SLC35F4: variants seen among roughly 807,000 people sequenced by gnomAD.
The protein encoded by SLC35F4 is chromosome 14 open reading frame 36.
A neutral mutation model predicts 44.2 loss-of-function variants in SLC35F4; 24 were observed. The ratio of observed to expected loss-of-function variants is 0.54; its 90% CI spans 0.39 to 0.76. SLC35F4 has a LOEUF of 0.76. Ranked by LOEUF, SLC35F4 falls within the 30% of genes least tolerant of loss-of-function variation. The probability of loss-of-function intolerance (pLI) is 0.00; values close to 1 mark genes in which losing one functional copy is unlikely to be tolerated. For missense variants in SLC35F4, 562 were observed against 586.1 expected, an observed-to-expected ratio of 0.96 and a Z score of 0.42; for synonymous variants, 238 against 223.6, an observed-to-expected ratio of 1.06 and a Z score of -0.57.
At chr14:57,666,020 G>T (rs2074295751) in intron 1 of SLC35F4, among the ~76,000 whole-genome samples, 1 of 152,100 alleles carries the variant, frequency 6.6e-6, no homozygotes, top group Admixed American at 6.6e-5. Flanking sequence ...ATCACTAATA[G>T]GTACCAGGCT....
intron 1 of SLC35F4, among the ~76,000 whole-genome samples, chr14:57,876,685 C>T (rs1190870510): frequency 6.6e-6 from 1 of 152,104 alleles, no homozygotes; most frequent in Admixed American, 6.6e-5. Context: ...CATGTTTTTG[C>T]TTAATAAGTG....
chr14:57,848,625 T>C (rs2140979380), intron 1 of SLC35F4, among the ~76,000 whole-genome samples: 1 of 152,318 alleles, frequency 6.6e-6, no homozygotes, highest in East Asian at 1.9e-4. Context: ...CCACATATCA[T>C]GTGCAGGCAC....
At chr14:57,870,124 C>CTG (rs34282878), upstream of SLC35F4, among the ~76,000 whole-genome samples, 27,284 of 146,022 alleles carry the variant, frequency 0.19, 2,904 homozygotes, top group East Asian at 0.59. Flanking sequence ...TGTCTATGAT[C>CTG]TGTGTGTGTG....
chr14:57,595,826 C>G (rs1325837837), intron 1 of SLC35F4: 1 of 152,158 alleles, frequency 6.6e-6, no homozygotes, highest in Non-Finnish European at 1.5e-5. Context: ...TTTCCCTGCC[C>G]CACTCCTGAA....
chr14:57,963,914 G>A (rs900194113), intron 1 of SLC35F4, among the ~76,000 whole-genome samples: 1 of 151,634 alleles, frequency 6.6e-6, no homozygotes, highest in Admixed American at 6.6e-5. Context: ...GCAGAGATGG[G>A]GTCTCGTCAT....
intron 1 of SLC35F4, among the ~76,000 whole-genome samples, chr14:57,683,047 G>A (rs73305969): frequency 0.025 from 3,789 of 150,234 alleles, 154 homozygotes; most frequent in African/African-American, 0.087. Flanking sequence ...TCTGTTCTAC[G>A]GAAAAAAATT....
intron 1 of SLC35F4, among the ~76,000 whole-genome samples, chr14:57,619,887 G>A (rs1165491388): frequency 4.6e-5 from 7 of 151,894 alleles, no homozygotes; most frequent in Non-Finnish European, 2.9e-5. Flanking sequence ...CGAGAATTTC[G>A]TGAAGCATAT....
At chr14:57,904,247 G>A (rs958101478) in intron 1 of SLC35F4, among the ~76,000 whole-genome samples, 1 of 152,170 alleles carries the variant, frequency 6.6e-6, no homozygotes. Context: ...TTATACTAAT[G>A]TGCATTTATG....
At chr14:57,934,279 A>G (rs1344001694) in intron 1 of SLC35F4, among the ~76,000 whole-genome samples, 1 of 150,746 alleles carries the variant, frequency 6.6e-6, no homozygotes, top group African/African-American at 2.4e-5. Context: ...GGGGAGTGGG[A>G]TGATGAGAAT....
intron 1 of SLC35F4, among the ~76,000 whole-genome samples, chr14:57,624,840 C>A (rs1217290203): frequency 2.0e-5 from 3 of 152,220 alleles, no homozygotes; most frequent in African/African-American, 7.2e-5. Context: ...AAACCCACAG[C>A]CAATATCATA....
chr14:57,941,919 G>T (rs1889922837), intron 1 of SLC35F4, among the ~76,000 whole-genome samples: 1 of 152,138 alleles, frequency 6.6e-6, no homozygotes, highest in African/African-American at 2.4e-5. Flanking sequence ...TTTGTGGCTG[G>T]CAGACACAAG....
At chr14:57,933,945 G>A (rs1889749068) in intron 1 of SLC35F4, among the ~76,000 whole-genome samples, 1 of 152,142 alleles carries the variant, frequency 6.6e-6, no homozygotes, top group African/African-American at 2.4e-5. Flanking sequence ...TTTGTTTAAA[G>A]AAGGTGATAT....
intron 1 of SLC35F4, among the ~76,000 whole-genome samples, chr14:57,846,356 T>C (rs1354457932): frequency 6.6e-6 from 1 of 152,212 alleles, no homozygotes; most frequent in Admixed American, 6.5e-5. Flanking sequence ...AATTTCCATG[T>C]TGCCTGAATA....
intron 1 of SLC35F4, among the ~76,000 whole-genome samples, chr14:57,812,995 C>T (rs1293395359): frequency 2.0e-5 from 3 of 152,170 alleles, no homozygotes; most frequent in Non-Finnish European, 4.4e-5. Context: ...AAATGCTTTA[C>T]TTGATTAATT....
intron 1 of SLC35F4, among the ~76,000 whole-genome samples, chr14:57,874,969 G>GGAAT (rs1888368652): frequency 9.4e-6 from 1 of 106,050 alleles, no homozygotes; most frequent in Non-Finnish European, 1.7e-5. Flanking sequence ...AAGAGGCAGT[G>GGAAT]GAATAAATAA....
At chr14:57,739,060 T>C (rs1309257583) in intron 1 of SLC35F4, among the ~76,000 whole-genome samples, 5 of 152,122 alleles carry the variant, frequency 3.3e-5, no homozygotes, top group African/African-American at 9.7e-5. Context: ...TGTGACATCA[T>C]AGCTCTTTAT....
rs143352636 is a variant in SLC35F4 at position 57,651,645 on chromosome 14, G to A, written c.104-57521C>T. Among the ~76,000 whole-genome samples, 32 of 152,260 alleles carry A rather than the reference G, an allele frequency of 2.1e-4. No individual in the cohort carries two copies. In the East Asian group the frequency reaches 6.0e-3, roughly 29 times the overall value. On this transcript the variant is annotated intron_variant, in intron 1 of 7. Coordinates refer to ENST00000556826, the MANE Select transcript of SLC35F4 (RefSeq NM_001306087.2). ...CTCCTAGAGACAGGAACAGGGTGGA[G>A]CTGAGGTAGCACTTTCTAGACTGGT...
intron 1 of SLC35F4, among the ~76,000 whole-genome samples, chr14:57,622,936 T>C (rs780782295): frequency 6.6e-6 from 1 of 152,124 alleles, no homozygotes; most frequent in Non-Finnish European, 1.5e-5. Context: ...TAGCATCATA[T>C]GACAGGATCG....
intron 1 of SLC35F4, among the ~76,000 whole-genome samples, chr14:57,921,387 A>G (rs1033862268): frequency 2.6e-5 from 4 of 152,224 alleles, no homozygotes; most frequent in African/African-American, 9.6e-5. Context: ...TCCTCCTTCC[A>G]CAACATGCTA....
Sources: allele counts gnomAD v4.1 joint callset (sites outside exome capture counted in the v4.1 genomes callset), GRCh38; gene constraint gnomAD v4.1.1; transcripts MANE v1.5; gene names NCBI Gene and HGNC (gene_info 2026-07-23, HGNC 2026-07-21).